CFAP61: variants seen among roughly 807,000 people sequenced by gnomAD.
CFAP61 encodes cilia and flagella associated protein 61, also known as cilia- and flagella-associated protein 61.
Under a neutral mutation model 135.6 loss-of-function variants are expected in CFAP61, and 107 were observed. The ratio of observed to expected loss-of-function variants is 0.79; its 90% CI spans 0.67 to 0.93. The LOEUF (loss-of-function observed/expected upper bound fraction) is 0.93, where lower values mean the gene tolerates loss of function less well. Ranked by LOEUF, CFAP61 falls within the 40% of genes least tolerant of loss-of-function variation. CFAP61 has a pLI of 0.00. For missense variants in CFAP61, 1,507 were observed against 1,556.2 expected (o/e 0.97, Z 0.53); for synonymous variants, 575 against 578.5 (o/e 0.99, Z 0.09).
chr20:20,203,513 G>A (rs887433539), intron 17 of CFAP61, among the ~76,000 whole-genome samples: 1 of 152,070 alleles, frequency 6.6e-6, no homozygotes, highest in Non-Finnish European at 1.5e-5. Context: ...AGTAGGTATC[G>A]ATGTTTATAG....
At chr20:20,105,497 G>T (rs1221832708) in intron 8 of CFAP61, among the ~76,000 whole-genome samples, 1 of 152,090 alleles carries the variant, frequency 6.6e-6, no homozygotes, top group Non-Finnish European at 1.5e-5. Flanking sequence ...TAGATCCTGT[G>T]GTGTGGTTCT....
chr20:20,188,188 G>A (rs560063192), intron 14 of CFAP61, 132 bp downstream of exon 14: 14 of 887,522 alleles, frequency 1.6e-5, no homozygotes, highest in Non-Finnish European at 2.4e-5. Context: ...AGAGTTAGAA[G>A]ATGGGAGCAA....
chr20:20,358,920 A>C (rs2059373968), intron 26 of CFAP61, among the ~76,000 whole-genome samples: 1 of 152,230 alleles, frequency 6.6e-6, no homozygotes, highest in Non-Finnish European at 1.5e-5. Flanking sequence ...CAGACTCTTG[A>C]TCTAGGGTGA....
chr20:20,181,988 C>A (rs2055135524), intron 13 of CFAP61, among the ~76,000 whole-genome samples: 1 of 152,166 alleles, frequency 6.6e-6, no homozygotes, highest in African/African-American at 2.4e-5. Context: ...AAAGTAGGGC[C>A]ACGTTTAGGT....
At chr20:20,327,552 ATTGT>A (rs1019703119) in intron 25 of CFAP61, among the ~76,000 whole-genome samples, 1 of 152,064 alleles carries the variant, frequency 6.6e-6, no homozygotes, top group Non-Finnish European at 1.5e-5. Flanking sequence ...TCTCATTTTG[ATTGT>A]TTAAGAGACT....
At chr20:20,320,677 CTG>C (rs1247170951) in intron 25 of CFAP61, among the ~76,000 whole-genome samples, 5 of 148,568 alleles carry the variant, frequency 3.4e-5, no homozygotes. Context: ...GAGCTAATAA[CTG>C]TTTTAATTGG....
chr20:20,206,008 G>T (rs1346520349), intron 17 of CFAP61, among the ~76,000 whole-genome samples: 2 of 151,864 alleles, frequency 1.3e-5, no homozygotes, highest in Non-Finnish European at 2.9e-5. Flanking sequence ...TGGGGGTTGG[G>T]TGGAGGGAAG....
At chr20:20,317,719 C>T (rs1451323291) in intron 25 of CFAP61, among the ~76,000 whole-genome samples, 8 of 152,050 alleles carry the variant, frequency 5.3e-5, no homozygotes, top group East Asian at 1.9e-4. Context: ...GGCCAGGATA[C>T]GTGCTGAAGG....
chr20:20,312,916 A>G (rs76383031), intron 25 of CFAP61, among the ~76,000 whole-genome samples: 2,011 of 152,324 alleles, frequency 0.013, 45 homozygotes, highest in African/African-American at 0.047. Context: ...ACCCATGCCA[A>G]CCAACATTTC....
intron 18 of CFAP61, among the ~76,000 whole-genome samples, chr20:20,245,845 T>C (rs2050412625): frequency 1.3e-5 from 2 of 152,184 alleles, no homozygotes; most frequent in South Asian, 4.1e-4. Context: ...TCCCAATTTG[T>C]TTTAGTTTTA....
chr20:20,346,534 A>T (rs1241754359), intron 26 of CFAP61, among the ~76,000 whole-genome samples: 1 of 151,282 alleles, frequency 6.6e-6, no homozygotes, highest in African/African-American at 2.4e-5. Context: ...AAAAAAAAAA[A>T]ATCTTCATAA....
intron 13 of CFAP61, among the ~76,000 whole-genome samples, chr20:20,180,827 A>T (rs903651076): frequency 1.3e-5 from 2 of 152,206 alleles, no homozygotes; most frequent in African/African-American, 4.8e-5. Flanking sequence ...ATGCAGCCAT[A>T]AAAAAGAATG....
chr20:20,318,463 G>A (rs1289251464), intron 25 of CFAP61, among the ~76,000 whole-genome samples: 1 of 152,150 alleles, frequency 6.6e-6, no homozygotes, highest in African/African-American at 2.4e-5. Context: ...TGAAACCAGC[G>A]GACACTGGGA....
At chr20:20,272,028 C>A (rs1887305901) in intron 21 of CFAP61, among the ~76,000 whole-genome samples, 1 of 152,086 alleles carries the variant, frequency 6.6e-6, no homozygotes, top group Non-Finnish European at 1.5e-5. Context: ...ATAAAGTACA[C>A]AATGGTAGGT....
chr20:20,108,143 A>G (rs2048540207), intron 8 of CFAP61, among the ~76,000 whole-genome samples: 2 of 152,314 alleles, frequency 1.3e-5, no homozygotes, highest in Non-Finnish European at 2.9e-5. Flanking sequence ...TAAAACACTT[A>G]GCTCTGGGCA....
intron 25 of CFAP61, among the ~76,000 whole-genome samples, chr20:20,311,969 A>G (rs551810197): frequency 1.3e-5 from 2 of 152,294 alleles, no homozygotes; most frequent in African/African-American, 4.8e-5. Flanking sequence ...CCTAAACCAA[A>G]CATTGCTGCA....
intron 25 of CFAP61, among the ~76,000 whole-genome samples, chr20:20,332,560 C>T (rs917151798): frequency 6.6e-6 from 1 of 152,020 alleles, no homozygotes; most frequent in Non-Finnish European, 1.5e-5. Flanking sequence ...TCAATTCAGA[C>T]ACAAAAAAAG....
intron 2 of CFAP61, among the ~76,000 whole-genome samples, chr20:20,065,611 A>G (rs1600385478): frequency 9.2e-6 from 1 of 109,124 alleles, no homozygotes; most frequent in African/African-American, 3.1e-5. Context: ...TTTTATAGAC[A>G]TTTTGAAAAA....
chr20:20,210,909 G>A (rs574833412), intron 17 of CFAP61, among the ~76,000 whole-genome samples: 5 of 152,266 alleles, frequency 3.3e-5, no homozygotes, highest in South Asian at 2.1e-4. Context: ...AGGATCACTT[G>A]AAGCCAGGAG....
Sources: gnomAD v4.1 joint callset for allele counts (sites outside exome capture counted in the v4.1 genomes callset) on GRCh38, gnomAD v4.1.1 for gene constraint, MANE v1.5 for transcripts, NCBI Gene and HGNC (gene_info 2026-07-23, HGNC 2026-07-21) for gene names.